Variants in SEL1L2 observed in about 807,000 individuals in gnomAD.
SEL1L2 encodes the protein protein sel-1 homolog 2.
A neutral mutation model predicts 98.8 loss-of-function variants in SEL1L2; 89 were observed. That is an observed-to-expected ratio of 0.90 (90% confidence interval 0.76 to 1.07). The LOEUF is 1.07. Among genes scored for constraint, SEL1L2 ranks in the 50% least tolerant of loss-of-function variants. SEL1L2 has a pLI of 0.00. For synonymous variants in SEL1L2, 262 were observed against 278.5 expected (o/e 0.94, Z 0.59); for missense variants, 788 against 812.0 (o/e 0.97, Z 0.36).
chr20:13,866,735 T>A lies in SEL1L2; in HGVS notation c.1371A>T (p.Thr457=). 6.2e-7 allele frequency: 1 copy of A among 1,605,612 alleles called. No homozygotes were observed. The highest frequency in any genetic ancestry group is 8.5e-7 in the Non-Finnish European group (1 of 1,177,338). The change falls in exon 15 of 20, where the codon ACA becomes ACT. Residue 457 remains threonine, a synonymous_variant. Transcript: ENST00000284951. ...CAGTTCTGCATGATCTTACTACTCC[T>A]GTTCCTGTTGCATACATCTTGGCCA... ...YYLAKMYATG[T]GVVRSCRTAV...
upstream of SEL1L2, chr20:13,995,280 C>A (rs762582563): frequency 8.5e-6 from 2 of 235,060 alleles, no homozygotes; most frequent in African/African-American, 2.4e-5. This position sits in a 1 kb window ranked among gnomAD's most constrained non-coding sequence, Gnocchi z 4.3. Context: ...CTCCAGCCCC[C>A]TCGCTCCCTG....
upstream of SEL1L2, among the ~76,000 whole-genome samples, chr20:13,990,830 C>T (rs1048080918): frequency 2.6e-5 from 4 of 152,220 alleles, no homozygotes; most frequent in Admixed American, 6.5e-5. Context: ...AAGTCCGACT[C>T]GTACGTGTCC....
At chr20:13,918,245 A>G (rs2048496375) in intron 4 of SEL1L2, among the ~76,000 whole-genome samples, 2 of 152,170 alleles carry the variant, frequency 1.3e-5, no homozygotes, top group Admixed American at 1.3e-4. Flanking sequence ...TGATTGCATT[A>G]TCCGGGTCAC....
At chr20:13,922,691 C>T (rs760308558) in intron 3 of SEL1L2, among the ~76,000 whole-genome samples, 17 of 152,148 alleles carry the variant, frequency 1.1e-4, no homozygotes, top group Non-Finnish European at 1.8e-4. Context: ...CTATGATATT[C>T]ACCTCGCTCA....
intron 2 of SEL1L2, among the ~76,000 whole-genome samples, chr20:13,932,778 CT>C (rs930455975): frequency 2.0e-5 from 3 of 151,718 alleles, no homozygotes; most frequent in African/African-American, 7.3e-5. Context: ...TTTTTGTTTG[CT>C]TTTTTTTCCT....
Position 13,876,025 on chromosome 20 carries a change from A to G in SEL1L2, c.1104+13T>C, listed in dbSNP as rs560621629. The stretch of plus-strand genomic sequence containing the variant: ...TGTGTGTATGTGTTTACAACAGTGC[A>G]TTGAGGACATACCTTACTGGCTGCC... On this transcript the variant is annotated intron_variant, in intron 12 of 19. Transcript: ENST00000284951. 1.4e-5 allele frequency: 22 copies of G among 1,604,304 alleles called. No homozygotes were observed. The highest frequency in any genetic ancestry group is 1.5e-5 in the Non-Finnish European group (18 of 1,170,954).
chr20:13,921,017 GAAT>G (rs1447990659), intron 3 of SEL1L2, among the ~76,000 whole-genome samples: 4 of 152,048 alleles, frequency 2.6e-5, no homozygotes, highest in African/African-American at 9.7e-5. Context: ...TCTGTGTGTG[GAAT>G]AATAATAGCT....
At chr20:13,975,851 T>C (rs2051506882) in intron 1 of SEL1L2, among the ~76,000 whole-genome samples, 1 of 152,080 alleles carries the variant, frequency 6.6e-6, no homozygotes, top group African/African-American at 2.4e-5. Flanking sequence ...AACTTTTGTT[T>C]TGTTTTGTTT....
intron 2 of SEL1L2, among the ~76,000 whole-genome samples, chr20:13,933,959 T>G (rs931351560): frequency 2.2e-4 from 11 of 49,118 alleles, no homozygotes; most frequent in Non-Finnish European, 3.7e-4. Context: ...TCAGTAAACC[T>G]AAGGTTTTTT....
intron 5 of SEL1L2, among the ~76,000 whole-genome samples, chr20:13,908,165 T>G (rs1045377058): frequency 2.4e-5 from 3 of 125,210 alleles, no homozygotes; most frequent in Admixed American, 2.1e-4. Context: ...TTGCCCAGGC[T>G]GGAGTGTGGT....
chr20:13,960,683 C>T (rs1285240131), intron 1 of SEL1L2, among the ~76,000 whole-genome samples: 1 of 151,958 alleles, frequency 6.6e-6, no homozygotes, highest in African/African-American at 2.4e-5. Context: ...ACTTGAGAAA[C>T]ATTGGTGATT....
chr20:13,959,492 A>G (rs1415605645), intron 1 of SEL1L2, among the ~76,000 whole-genome samples: 1 of 152,162 alleles, frequency 6.6e-6, no homozygotes, highest in Non-Finnish European at 1.5e-5. Flanking sequence ...GTCAACAGAA[A>G]GGGCCCAATT....
rs73612322 is a variant in SEL1L2 at position 13,896,412 on chromosome 20, G to C, written c.550-7900C>G. On this transcript the variant is annotated intron_variant, in intron 5 of 19. Coordinates refer to ENST00000284951, the MANE Select transcript of SEL1L2 (RefSeq NM_025229.2). ...GTGAACCCGGAAGGTGGAGCTTGCA[G>C]TGAGCTGAGATCACTCCATTGCACT... 6.8e-4 allele frequency among the ~76,000 whole-genome samples: 104 copies of C among 152,182 alleles called. No individual in the cohort carries two copies. The East Asian group carries it at 0.019, about 27-fold the overall frequency.
chr20:13,944,047 C>T (rs1417585554), intron 2 of SEL1L2, among the ~76,000 whole-genome samples: 1 of 152,114 alleles, frequency 6.6e-6, no homozygotes, highest in Admixed American at 6.5e-5. Flanking sequence ...TTTAAACTCT[C>T]TTTGGCTTGA....
At chr20:13,889,298 T>C (rs946145548) in intron 5 of SEL1L2, among the ~76,000 whole-genome samples, 1 of 152,094 alleles carries the variant, frequency 6.6e-6, no homozygotes, top group African/African-American at 2.4e-5. Context: ...TGTTAATTTA[T>C]TTTTTATACT....
chr20:13,948,192 C>T (rs1002841221), intron 2 of SEL1L2, among the ~76,000 whole-genome samples: 4 of 151,740 alleles, frequency 2.6e-5, no homozygotes, highest in African/African-American at 7.3e-5. Context: ...CTATCCAATG[C>T]GATCTATAGA....
At chr20:13,869,062 C>T (rs2046061459) in intron 14 of SEL1L2, among the ~76,000 whole-genome samples, 2 of 152,002 alleles carry the variant, frequency 1.3e-5, no homozygotes, top group African/African-American at 2.4e-5. Flanking sequence ...ATGTACTTCC[C>T]CTGCCTACCC....
intron 2 of SEL1L2, among the ~76,000 whole-genome samples, chr20:13,948,693 G>A (rs1279733308): frequency 1.3e-5 from 2 of 152,196 alleles, no homozygotes; most frequent in Non-Finnish European, 2.9e-5. Context: ...ATTGGATTTG[G>A]TAATGATTTC....
At position 13,923,683 on chromosome 20, in the gene SEL1L2, G is replaced by C. The variant is rs6135020; in HGVS notation, c.284-4560C>G. ...GCACAAGAATTGCTTGAACCCGGCA[G>C]GTGGAGTTTGCAGTGGGCCGAGATT... On this transcript the variant is annotated intron_variant, in intron 3 of 19. Coordinates refer to ENST00000284951, the MANE Select transcript of SEL1L2 (RefSeq NM_025229.2). Among the ~76,000 whole-genome samples, 5 of 152,190 alleles carry C rather than the reference G, an allele frequency of 3.3e-5. No homozygotes were observed. The East Asian group carries it at 9.6e-4, about 29-fold the overall frequency.
Sources: allele counts gnomAD v4.1 joint callset (sites outside exome capture counted in the v4.1 genomes callset), GRCh38; gene constraint gnomAD v4.1.1; non-coding constraint Gnocchi (gnomAD v3.1); transcripts MANE v1.5; gene names NCBI Gene and HGNC (gene_info 2026-07-23, HGNC 2026-07-21).